RANBP2: variants seen among roughly 807,000 people sequenced by gnomAD.
RANBP2 encodes the protein RAN binding protein 2, also known as E3 SUMO-protein ligase RanBP2.
In RANBP2, 57 loss-of-function variants were observed where a neutral mutation model predicts 303.6. The ratio of observed to expected loss-of-function variants is 0.19; its 90% confidence interval spans 0.15 to 0.23. The LOEUF is 0.23. Ranked by LOEUF, RANBP2 falls within the 10% of genes least tolerant of loss-of-function variation. RANBP2 has a pLI of 1.00. For synonymous variants in RANBP2, 1,167 were observed against 1,301.5 expected (o/e 0.90, Z 2.23); for missense variants, 3,138 against 3,780.8 (o/e 0.83, Z 4.46).
the RANBP2 span, among the ~76,000 whole-genome samples, chr2:109,326,435 C>T: frequency 2.6e-5 from 4 of 152,066 alleles, no homozygotes; most frequent in African/African-American, 7.2e-5. Context: ...GATGGCTTGG[C>T]GATCAGGCAG....
chr2:108,785,180 G>GC lies in RANBP2; in HGVS notation c.*1280dup, dbSNP rs2149339971. 6.6e-6 allele frequency: 1 copy of GC among 152,246 alleles called. No homozygotes were observed. Among genetic ancestry groups the GC allele is most frequent in the African/African-American group, 2.4e-5 (1 of 41,552 alleles). The allele number at this position is 152,246 out of a possible 1,614,324, so 9.4% of individuals were successfully genotyped here. ...GGATTTGGAAATTGGGTATCCTAAA[G>GC]CAAGTAACTGTTCAACCACCAGTCA... On this transcript the variant is annotated 3_prime_UTR_variant, in exon 29 of 29. Transcript: ENST00000283195.
chr2:109,470,948 G>C, the RANBP2 span, among the ~76,000 whole-genome samples: 1 of 152,124 alleles, frequency 6.6e-6, no homozygotes, highest in Non-Finnish European at 1.5e-5. Flanking sequence ...GGCTGGGTGC[G>C]GTGGCTCACG....
the RANBP2 span, among the ~76,000 whole-genome samples, chr2:109,659,567 G>A: frequency 6.6e-6 from 1 of 152,338 alleles, no homozygotes; most frequent in African/African-American, 2.4e-5. Context: ...CAGATGGTGG[G>A]CTAGGCTGGG....
intron 18 of RANBP2, among the ~76,000 whole-genome samples, chr2:108,761,472 A>C (rs918280736): frequency 6.6e-6 from 1 of 152,220 alleles, no homozygotes; most frequent in Non-Finnish European, 1.5e-5. Context: ...TTTGCCATTA[A>C]CATGGGTGCC....
chr2:109,076,511 A>G, the RANBP2 span, among the ~76,000 whole-genome samples: 1 of 150,492 alleles, frequency 6.6e-6, no homozygotes, highest in Non-Finnish European at 1.5e-5. Context: ...GAAAATCCTA[A>G]TAATTCCATT....
the RANBP2 span, among the ~76,000 whole-genome samples, chr2:109,414,095 G>T: frequency 6.6e-6 from 1 of 152,174 alleles, no homozygotes; most frequent in African/African-American, 2.4e-5. Context: ...TTATTGGGCT[G>T]CCCCATCTTG....
At chr2:108,930,255 G>C in the RANBP2 span, 4 of 1,613,974 alleles carry the variant, frequency 2.5e-6, no homozygotes, top group African/African-American at 2.7e-5. Context: ...GCCAACAAAG[G>C]GGGGTGTTGT....
the RANBP2 span, among the ~76,000 whole-genome samples, chr2:109,075,463 T>A: frequency 6.7e-6 from 1 of 149,808 alleles, no homozygotes; most frequent in East Asian, 1.9e-4. Flanking sequence ...TGACCTCAGG[T>A]GATCTGCCCG....
intron 17 of RANBP2, among the ~76,000 whole-genome samples, chr2:108,757,964 C>G (rs933298918): frequency 1.2e-4 from 18 of 152,224 alleles, no homozygotes; most frequent in Non-Finnish European, 2.4e-4. Flanking sequence ...AAAATCAGCA[C>G]CAGGTACCTA....
chr2:109,149,365 C>T, the RANBP2 span, among the ~76,000 whole-genome samples: 1,159 of 152,328 alleles, frequency 7.6e-3, 9 homozygotes, highest in Middle Eastern at 0.031. Context: ...AGTCAAGTGT[C>T]TGGCAGAGAC....
At chr2:108,930,816 C>T in the RANBP2 span, 3 of 873,812 alleles carry the variant, frequency 3.4e-6, no homozygotes, top group East Asian at 2.4e-5. Flanking sequence ...CTGTGCTTTG[C>T]AGGCCTGGTT....
At chr2:109,615,043 A>T in the RANBP2 span, 1 of 1,548,434 alleles carries the variant, frequency 6.5e-7, no homozygotes, top group Non-Finnish European at 8.7e-7. Context: ...GGCTGCGAGG[A>T]GGCGGACAGG....
chr2:109,566,352 C>A, the RANBP2 span, among the ~76,000 whole-genome samples: 2 of 152,020 alleles, frequency 1.3e-5, no homozygotes, highest in Non-Finnish European at 2.9e-5. Flanking sequence ...AACTCCTGAC[C>A]TCAGGTGATC....
At chr2:108,877,519 T>C in the RANBP2 span, among the ~76,000 whole-genome samples, 2 of 151,836 alleles carry the variant, frequency 1.3e-5, no homozygotes, top group South Asian at 4.2e-4. Flanking sequence ...AAGTGCACAT[T>C]AGAAACAAAA....
At chr2:109,084,993 T>G in the RANBP2 span, among the ~76,000 whole-genome samples, 158 of 152,278 alleles carry the variant, frequency 1.0e-3, no homozygotes, top group Non-Finnish European at 1.9e-3. Flanking sequence ...TGGTGAACCT[T>G]GGGCAATGAC....
chr2:109,450,750 G>A, the RANBP2 span, among the ~76,000 whole-genome samples: 6 of 152,214 alleles, frequency 3.9e-5, no homozygotes, highest in Non-Finnish European at 7.3e-5. Context: ...GCCTGAGGCT[G>A]TATCCCTAGG....
chr2:109,138,685 T>C, the RANBP2 span, among the ~76,000 whole-genome samples: 1 of 152,240 alleles, frequency 6.6e-6, no homozygotes, highest in Admixed American at 6.5e-5. Flanking sequence ...GCCTGCAGAC[T>C]GCAGCTGTAG....
At chr2:109,398,101 G>A in the RANBP2 span, among the ~76,000 whole-genome samples, 6 of 152,180 alleles carry the variant, frequency 3.9e-5, no homozygotes, top group Non-Finnish European at 5.9e-5. Flanking sequence ...TGCCACAGCC[G>A]GTCACCAGCC....
At chr2:109,159,095 C>T in the RANBP2 span, among the ~76,000 whole-genome samples, 17 of 152,148 alleles carry the variant, frequency 1.1e-4, no homozygotes, top group Non-Finnish European at 1.6e-4. Context: ...CCAGCCTGGG[C>T]GACAGAGTGA....
Sources: allele counts gnomAD v4.1 joint callset (sites outside exome capture counted in the v4.1 genomes callset), GRCh38; gene constraint gnomAD v4.1.1; transcripts MANE v1.5; gene names NCBI Gene and HGNC (gene_info 2026-07-23, HGNC 2026-07-21).